The following SLC24A3 variants were observed in gnomAD, a reference collection of about 807,000 sequenced individuals.
SLC24A3 encodes solute carrier family 24 member 3.
A neutral mutation model predicts 75.8 loss-of-function variants in SLC24A3; 28 were observed. The ratio of observed to expected loss-of-function variants is 0.37; its 90% confidence interval spans 0.27 to 0.51. The LOEUF is 0.51. Among genes scored for constraint, SLC24A3 ranks in the 20% least tolerant of loss-of-function variants. The pLI, the probability that SLC24A3 is intolerant of heterozygous loss-of-function variation, is 0.94. For missense variants in SLC24A3, 663 were observed against 847.8 expected, an observed-to-expected ratio of 0.78 and a Z score of 2.71; for synonymous variants, 372 against 334.1, an observed-to-expected ratio of 1.11 and a Z score of -1.24.
At chr20:19,697,037 A>C in intron 14 of SLC24A3, 126 bp downstream of exon 14, 8 of 544,628 alleles carry the variant, frequency 1.5e-5, no homozygotes, top group East Asian at 6.8e-5. Flanking sequence ...AAGAGAAGGA[A>C]AGAGGGAGGG....
chr20:19,535,451 C>T (rs1230331557), intron 3 of SLC24A3, among the ~76,000 whole-genome samples: 2 of 152,198 alleles, frequency 1.3e-5, no homozygotes, highest in African/African-American at 4.8e-5. Flanking sequence ...CAAGTTTATT[C>T]ACATGGCAGA....
At chr20:19,658,107 GCAGGAC>G (rs2032285252) in intron 7 of SLC24A3, among the ~76,000 whole-genome samples, 1 of 152,176 alleles carries the variant, frequency 6.6e-6, no homozygotes, top group Admixed American at 6.5e-5. Flanking sequence ...TCAGGATTAA[GCAGGAC>G]CAGATGCTGT....
chr20:19,391,848 C>G (rs1266193687), intron 2 of SLC24A3, among the ~76,000 whole-genome samples: 1 of 152,162 alleles, frequency 6.6e-6, no homozygotes, highest in Non-Finnish European at 1.5e-5. Context: ...CCTCTTGAGG[C>G]TTGTGTCTAT....
intron 2 of SLC24A3, among the ~76,000 whole-genome samples, chr20:19,424,301 C>T (rs926990811): frequency 1.3e-5 from 2 of 152,038 alleles, no homozygotes; most frequent in African/African-American, 2.4e-5. Context: ...CACATGGATT[C>T]CCAACTTGTT....
intron 1 of SLC24A3, among the ~76,000 whole-genome samples, chr20:19,255,469 A>G (rs945451345): frequency 6.6e-6 from 1 of 152,206 alleles, no homozygotes; most frequent in Admixed American, 6.5e-5. Context: ...GTTTAGCCAG[A>G]TGGATTTCCA....
At chr20:19,710,972 C>A (rs4814886) in intron 15 of SLC24A3, among the ~76,000 whole-genome samples, 1 of 151,884 alleles carries the variant, frequency 6.6e-6, no homozygotes, top group East Asian at 1.9e-4. Context: ...GCCTGTCTCC[C>A]AATCAACTCT....
intron 6 of SLC24A3, among the ~76,000 whole-genome samples, chr20:19,598,588 T>C (rs2031481093): frequency 6.6e-6 from 1 of 152,086 alleles, no homozygotes; most frequent in Non-Finnish European, 1.5e-5. Context: ...GTGTGCTTTA[T>C]TTACTTGTGA....
chr20:19,331,546 AG>A (rs1423040188), intron 2 of SLC24A3, among the ~76,000 whole-genome samples: 2 of 152,238 alleles, frequency 1.3e-5, no homozygotes, highest in Non-Finnish European at 2.9e-5. Flanking sequence ...TAGGTGAATC[AG>A]GGTAAAGTGT....
chr20:19,453,251 G>GT (rs1987521959), intron 2 of SLC24A3, among the ~76,000 whole-genome samples: 1 of 152,120 alleles, frequency 6.6e-6, no homozygotes, highest in African/African-American at 2.4e-5. Flanking sequence ...TCAGGTGACT[G>GT]AGGCAGGAGG....
At chr20:19,703,392 C>T (rs7263316) in intron 15 of SLC24A3, among the ~76,000 whole-genome samples, 13,694 of 152,278 alleles carry the variant, frequency 0.09, 712 homozygotes, top group Admixed American at 0.17. Context: ...CACTTAATGT[C>T]TGCCACTCAC....
intron 2 of SLC24A3, among the ~76,000 whole-genome samples, chr20:19,337,079 G>A (rs1461464882): frequency 1.3e-5 from 2 of 152,154 alleles, no homozygotes; most frequent in South Asian, 2.1e-4. Flanking sequence ...TGGCTGCTGA[G>A]ATAATGTTGC....
At chr20:19,292,636 G>A (rs1002678747) in intron 2 of SLC24A3, among the ~76,000 whole-genome samples, 2 of 152,190 alleles carry the variant, frequency 1.3e-5, no homozygotes, top group Non-Finnish European at 2.9e-5. Context: ...GGCTGGGTGT[G>A]TAGAATGGAT....
chr20:19,497,275 C>A (rs151177007), intron 2 of SLC24A3, among the ~76,000 whole-genome samples: 1 of 152,194 alleles, frequency 6.6e-6, no homozygotes, highest in Non-Finnish European at 1.5e-5. Context: ...GAACTCCAAA[C>A]CAGTCCCTTT....
chr20:19,646,310 T>G (rs534299196), intron 6 of SLC24A3, among the ~76,000 whole-genome samples: 1 of 151,158 alleles, frequency 6.6e-6, no homozygotes, highest in African/African-American at 2.5e-5. Context: ...AACTATACTA[T>G]TTTTAGTATA....
intron 3 of SLC24A3, among the ~76,000 whole-genome samples, chr20:19,561,147 T>G (rs138614382): frequency 6.6e-6 from 1 of 152,164 alleles, no homozygotes; most frequent in South Asian, 2.1e-4. Context: ...GAGAATCTTA[T>G]CATGACAAAT....
chr20:19,556,362 G>T (rs1467503399), intron 3 of SLC24A3, among the ~76,000 whole-genome samples: 2 of 152,048 alleles, frequency 1.3e-5, no homozygotes, highest in Admixed American at 6.6e-5. Context: ...ATCAGTCATG[G>T]TGTTAATAAT....
intron 1 of SLC24A3, among the ~76,000 whole-genome samples, chr20:19,241,972 C>T (rs973249314): frequency 1.3e-5 from 2 of 152,318 alleles, no homozygotes; most frequent in East Asian, 1.9e-4. Flanking sequence ...GTCTGAATGC[C>T]TCCCTTTGAT....
At chr20:19,391,606 T>C (rs778512333) in intron 2 of SLC24A3, among the ~76,000 whole-genome samples, 6 of 152,160 alleles carry the variant, frequency 3.9e-5, no homozygotes, top group Non-Finnish European at 8.8e-5. Context: ...ATGCAGTGTA[T>C]GCTATAACTA....
chr20:19,360,733 T>C (rs1248624394), intron 2 of SLC24A3, among the ~76,000 whole-genome samples: 1 of 152,262 alleles, frequency 6.6e-6, no homozygotes, highest in Non-Finnish European at 1.5e-5. Flanking sequence ...TCACAGCACA[T>C]GTGACAACAC....
Sources: allele counts gnomAD v4.1 joint callset (sites outside exome capture counted in the v4.1 genomes callset), GRCh38; gene constraint gnomAD v4.1.1; transcripts MANE v1.5; gene names NCBI Gene and HGNC (gene_info 2026-07-23, HGNC 2026-07-21).